Variants in KIF26B observed in about 807,000 individuals in gnomAD.
KIF26B encodes the protein kinesin-like protein KIF26B.
KIF26B carries 63 observed loss-of-function variants against 151.2 expected under a neutral mutation model. That is an observed-to-expected ratio of 0.42 (90% CI 0.34 to 0.51). The LOEUF (loss-of-function observed/expected upper bound fraction) is 0.51. Among genes scored for constraint, KIF26B ranks in the 20% least tolerant of loss-of-function variants. The pLI, the probability that KIF26B is intolerant of heterozygous loss-of-function variation, is 0.07. For missense variants in KIF26B, 2,813 were observed against 2,913.6 expected, an observed-to-expected ratio of 0.97 and a Z score of 0.79; for synonymous variants, 1,357 against 1,262.1, an observed-to-expected ratio of 1.08 and a Z score of -1.59.
intron 12 of KIF26B, among the ~76,000 whole-genome samples, chr1:245,694,662 C>T (rs972841101): frequency 1.3e-4 from 20 of 152,260 alleles, no homozygotes; most frequent in African/African-American, 3.9e-4. Flanking sequence ...GATGGGCCAG[C>T]GACCCCTCTG....
intron 9 of KIF26B, among the ~76,000 whole-genome samples, chr1:245,619,363 C>A (rs1477342701): frequency 6.6e-6 from 1 of 152,250 alleles, no homozygotes; most frequent in African/African-American, 2.4e-5. Flanking sequence ...ATTCTCTGCT[C>A]TCGAACTCCT....
At chr1:245,315,108 A>T (rs1671741106) in intron 2 of KIF26B, among the ~76,000 whole-genome samples, 1 of 152,096 alleles carries the variant, frequency 6.6e-6, no homozygotes. Context: ...TGAACCCAGG[A>T]GGTGGAGGTT....
chr1:245,258,155 C>T (rs761752785), intron 2 of KIF26B, among the ~76,000 whole-genome samples: 8 of 152,178 alleles, frequency 5.3e-5, no homozygotes, highest in Non-Finnish European at 1.0e-4. Context: ...TTTGTCATCA[C>T]CTTGCTTTCA....
At chr1:245,206,170 A>G (rs1234364642) in intron 2 of KIF26B, among the ~76,000 whole-genome samples, 1 of 152,230 alleles carries the variant, frequency 6.6e-6, no homozygotes, top group Non-Finnish European at 1.5e-5. Context: ...TGAAGTTATC[A>G]GTAGTCCCTT....
intron 3 of KIF26B, among the ~76,000 whole-genome samples, chr1:245,372,653 AG>A (rs1179528932): frequency 6.6e-6 from 1 of 152,220 alleles, no homozygotes; most frequent in Non-Finnish European, 1.5e-5. Flanking sequence ...AATCAACTAC[AG>A]ATTAGTTACC....
chr1:245,248,349 C>G (rs765945810), intron 2 of KIF26B, among the ~76,000 whole-genome samples: 1 of 152,150 alleles, frequency 6.6e-6, no homozygotes, highest in African/African-American at 2.4e-5. Context: ...TCCGCCTGCC[C>G]GTGAGAAGGC....
chr1:245,233,125 A>G (rs1469329700), intron 2 of KIF26B, among the ~76,000 whole-genome samples: 1 of 152,222 alleles, frequency 6.6e-6, no homozygotes, highest in East Asian at 1.9e-4. Flanking sequence ...TTCATTAGTC[A>G]CTGAGTAAAT....
Position 245,688,140 on chromosome 1 carries a change from C to G in KIF26B, c.5157C>G (p.Pro1719=), listed in dbSNP as rs1028933382. ...SLGRSAGTSP[P]SSGASPKAGQ... ...GCCGCAGCGCCGGGACCTCGCCCCCCAGCTCCGGGGCCTCGCCCAAGGCCG... is the reference window on the plus strand; with the variant it reads ...GCCGCAGCGCCGGGACCTCGCCCCCGAGCTCCGGGGCCTCGCCCAAGGCCG... Residue 1719 remains proline, a synonymous_variant, in exon 12 of 15, where the codon CCC becomes CCG. Transcript: ENST00000407071. 6 of 1,591,018 alleles carry G rather than the reference C, an allele frequency of 3.8e-6. No individual in the cohort carries two copies. The highest frequency in any genetic ancestry group is 5.1e-6 in the Non-Finnish European group (6 of 1,174,988).
rs144799948 is a variant in KIF26B, at chr1:245,160,726, C to T, written c.465+4043C>T. On this transcript the variant is annotated intron_variant, in intron 2 of 14. Coordinates refer to ENST00000407071, the MANE Select transcript of KIF26B (RefSeq NM_018012.4). ...GTCAGATATTCTGAGTCCATTTATG[C>T]CCCAGAAATATCAGGAAGATTAGCC... 2.2e-3 allele frequency among the ~76,000 whole-genome samples: 341 copies of T among 151,832 alleles called. 2 individuals are homozygous for T. Among genetic ancestry groups the T allele is most frequent in the African/African-American group, 7.8e-3 (323 of 41,374 alleles).
chr1:245,248,777 C>T (rs1303492437), intron 2 of KIF26B, among the ~76,000 whole-genome samples: 1 of 152,198 alleles, frequency 6.6e-6, no homozygotes, highest in Non-Finnish European at 1.5e-5. Flanking sequence ...GCCAATATCT[C>T]TGACATATAT....
intron 3 of KIF26B, among the ~76,000 whole-genome samples, chr1:245,409,494 C>T (rs936713719): frequency 6.6e-6 from 1 of 152,158 alleles, no homozygotes; most frequent in Non-Finnish European, 1.5e-5. Flanking sequence ...AGGCAGAGTG[C>T]TGGAGGTAGG....
chr1:245,579,322 T>A (rs900043564), intron 5 of KIF26B, among the ~76,000 whole-genome samples: 4 of 151,684 alleles, frequency 2.6e-5, no homozygotes, highest in African/African-American at 4.8e-5. Context: ...GAAAAAAAAA[T>A]AGCAACAAAT....
At chr1:245,575,232 T>G (rs2043107331) in intron 5 of KIF26B, among the ~76,000 whole-genome samples, 1 of 151,606 alleles carries the variant, frequency 6.6e-6, no homozygotes, top group African/African-American at 2.4e-5. Context: ...CCCAGCACTT[T>G]GGGAGGCAGA....
chr1:245,187,872 G>A (rs562734153), intron 2 of KIF26B, among the ~76,000 whole-genome samples: 2 of 152,274 alleles, frequency 1.3e-5, no homozygotes, highest in East Asian at 3.9e-4. Context: ...ATGTTTTTGA[G>A]CTCTAGATGA....
At chr1:245,408,612 C>T (rs1384239943) in intron 3 of KIF26B, among the ~76,000 whole-genome samples, 1 of 152,172 alleles carries the variant, frequency 6.6e-6, no homozygotes, top group Non-Finnish European at 1.5e-5. Flanking sequence ...GCCTCGGCCT[C>T]CCAAAGTGTT....
intron 10 of KIF26B, among the ~76,000 whole-genome samples, chr1:245,649,451 G>C (rs1403077831): frequency 6.6e-6 from 1 of 152,194 alleles, no homozygotes; most frequent in African/African-American, 2.4e-5. Context: ...CAGCAGGAAA[G>C]CCCCGATTTC....
intron 4 of KIF26B, among the ~76,000 whole-genome samples, chr1:245,521,273 C>G (rs1219666512): frequency 6.6e-6 from 1 of 151,384 alleles, no homozygotes; most frequent in Non-Finnish European, 1.5e-5. Flanking sequence ...GGAGGCGGAG[C>G]TTGCAGTGAG....
At chr1:245,307,398 G>C (rs938695267) in intron 2 of KIF26B, among the ~76,000 whole-genome samples, 9 of 146,072 alleles carry the variant, frequency 6.2e-5, no homozygotes, top group Non-Finnish European at 1.2e-4. Context: ...CTAATGAATG[G>C]GCCCCAGAGA....
At chr1:245,566,147 G>C (rs918705317) in intron 5 of KIF26B, among the ~76,000 whole-genome samples, 2 of 152,192 alleles carry the variant, frequency 1.3e-5, no homozygotes, top group African/African-American at 2.4e-5. Context: ...ATTTCAACAT[G>C]AGATTTGGAG....
Sources: gnomAD v4.1 joint callset for allele counts (sites outside exome capture counted in the v4.1 genomes callset) on GRCh38, gnomAD v4.1.1 for gene constraint, MANE v1.5 for transcripts, NCBI Gene and HGNC (gene_info 2026-07-23, HGNC 2026-07-21) for gene names.